SLC16A4: variants seen among roughly 807,000 people sequenced by gnomAD.
SLC16A4 encodes the protein probable monocarboxylate transporter 5.
Under a neutral mutation model 47.9 loss-of-function variants are expected in SLC16A4, and 39 were observed. That is an observed-to-expected ratio of 0.81 (90% CI 0.63 to 1.06). The LOEUF (loss-of-function observed/expected upper bound fraction) is 1.06, where lower values mean the gene tolerates loss of function less well. SLC16A4 is among the 50% of genes least tolerant of loss of function. SLC16A4 has a pLI of 0.00. For synonymous variants in SLC16A4, 189 were observed against 199.9 expected, an observed-to-expected ratio of 0.95 and a Z score of 0.46; for missense variants, 524 against 573.8, an observed-to-expected ratio of 0.91 and a Z score of 0.89.
In SLC16A4 at chr1:110,362,892, T is replaced by C. The variant is rs1661156693; in HGVS notation, c.*874A>G. ...ATACTTTTTATTATTTAGCAATACA[T>C]GTTTATCATAGAAATTTAAGAACCT... On this transcript the variant is annotated 3_prime_UTR_variant, in exon 9 of 9. Coordinates refer to ENST00000369779, the MANE Select transcript of SLC16A4 (RefSeq NM_004696.3). The C allele has an allele frequency of 6.6e-6, 1 of 152,208 alleles. No homozygotes were observed. 9.4% of individuals were successfully genotyped at this position (152,208 alleles called of 1,614,324 possible).
intron 2 of SLC16A4, among the ~76,000 whole-genome samples, chr1:110,387,347 C>G (rs565513156): frequency 6.6e-6 from 1 of 152,256 alleles, no homozygotes; most frequent in African/African-American, 2.4e-5. Flanking sequence ...ATGAATCTCT[C>G]TCTCTTTTTT....
chr1:110,365,653 T>C (rs2100975393), intron 8 of SLC16A4, among the ~76,000 whole-genome samples: 1 of 152,290 alleles, frequency 6.6e-6, no homozygotes, highest in South Asian at 2.1e-4. Flanking sequence ...CTTGTAGACA[T>C]TTCTAGAAAG....
intron 2 of SLC16A4, among the ~76,000 whole-genome samples, chr1:110,385,726 A>G (rs928052214): frequency 2.6e-5 from 4 of 152,212 alleles, no homozygotes; most frequent in African/African-American, 9.7e-5. Flanking sequence ...GTCTCTTAAT[A>G]TACTTTTTCC....
chr1:110,380,861 C>T, intron 5 of SLC16A4, 121 bp downstream of exon 5: 1 of 827,248 alleles, frequency 1.2e-6, no homozygotes, highest in Non-Finnish European at 2.0e-6. Context: ...TGCTCATTTC[C>T]TCTCTTGCAA....
At chr1:110,378,093 T>C (rs1022598333) in intron 6 of SLC16A4, among the ~76,000 whole-genome samples, 1 of 152,200 alleles carries the variant, frequency 6.6e-6, no homozygotes, top group African/African-American at 2.4e-5. Context: ...CCTCCCAAAG[T>C]GCTGGGATTA....
chr1:110,387,249 C>T (rs1167092688), intron 2 of SLC16A4, among the ~76,000 whole-genome samples: 1 of 152,122 alleles, frequency 6.6e-6, no homozygotes, highest in East Asian at 1.9e-4. Flanking sequence ...GACATAGACC[C>T]TGCCCCCATG....
At position 110,388,220 on chromosome 1, in the gene SLC16A4, A is replaced by G. The variant is rs115620975; in HGVS notation, c.87+1017T>C. Among the ~76,000 whole-genome samples, 1,232 of 152,260 alleles carry G rather than the reference A, an allele frequency of 8.1e-3. 27 individuals carry two copies. The highest frequency in any genetic ancestry group is 0.028 in the African/African-American group (1,175 of 41,540). On this transcript the variant is annotated intron_variant, in intron 2 of 8. Transcript: ENST00000369779. ...TGTGGGGCATAGCTGGGGTTCACCA[A>G]CATTCTGGAATGGGCATGCTGATGA...
At chr1:110,387,274 G>A (rs753821560) in intron 2 of SLC16A4, among the ~76,000 whole-genome samples, 1 of 151,444 alleles carries the variant, frequency 6.6e-6, no homozygotes, top group Admixed American at 6.7e-5. Context: ...ATTCAGTCTA[G>A]TAAGACAGAC....
chr1:110,379,353 G>C lies in SLC16A4; in HGVS notation c.530C>G (p.Ala177Gly), dbSNP rs1444484632. The change falls in exon 6 of 9, where the codon GCC becomes GGC. Residue 177 changes from alanine to glycine, a missense_variant. Physicochemically the swap from Ala to Gly is moderately conservative, Grantham distance 60. Coordinates refer to ENST00000369779, the MANE Select transcript of SLC16A4 (RefSeq NM_004696.3). Reference sequence around the variant, plus strand: ...TGCGATAGCTCCAAATAATATAAGGGCTCCTAAATAGGGAGAGATTGAGCA... The same window carrying C: ...TGCGATAGCTCCAAATAATATAAGGCCTCCTAAATAGGGAGAGATTGAGCA... ...FLIDLYDWTG[A>G]LILFGAIALN... 1 of 1,593,792 alleles carries C rather than the reference G, an allele frequency of 6.3e-7. No individual in the cohort carries two copies. The highest frequency in any genetic ancestry group is 8.6e-7 in the Non-Finnish European group (1 of 1,166,494).
chr1:110,382,672 G>C, intron 3 of SLC16A4, 162 bp downstream of exon 3: 1 of 641,334 alleles, frequency 1.6e-6, no homozygotes, highest in African/African-American at 1.8e-5. Context: ...ACTAAGTCAA[G>C]TGGAAGCTAA....
chr1:110,390,032 A>C (rs1470644714), intron 1 of SLC16A4, among the ~76,000 whole-genome samples: 3 of 151,926 alleles, frequency 2.0e-5, no homozygotes, highest in African/African-American at 7.3e-5. Context: ...TACCCCCTGA[A>C]TCTAAAATAA....
Position 110,376,857 on chromosome 1 carries a change from A to G in SLC16A4, c.1242+93T>C. 3 of 1,082,046 alleles carry G rather than the reference A, an allele frequency of 2.8e-6. No homozygotes were observed. In the Admixed American group the frequency reaches 7.7e-5, roughly 28 times the overall value. 67.0% of individuals were successfully genotyped at this position (1,082,046 alleles called of 1,614,324 possible). On this transcript the variant is annotated intron_variant, in intron 7 of 8. Coordinates refer to ENST00000369779, the MANE Select transcript of SLC16A4 (RefSeq NM_004696.3). ...TCTTTGAAATGATTTTTTAAGTTAC[A>G]AAATTAATACAAAATACGTATTTTG... is the stretch of plus-strand genomic sequence containing the variant.
chr1:110,366,251 A>T (rs2100979388), intron 8 of SLC16A4, among the ~76,000 whole-genome samples: 1 of 151,852 alleles, frequency 6.6e-6, no homozygotes. Flanking sequence ...TCCGACCCGC[A>T]GGTTCAAGTG....
At chr1:110,373,647 T>C (rs767668788) in intron 8 of SLC16A4, among the ~76,000 whole-genome samples, 10 of 151,938 alleles carry the variant, frequency 6.6e-5, no homozygotes, top group Non-Finnish European at 1.5e-4. Flanking sequence ...GAACCTCAGC[T>C]ATTGGCATAT....
chr1:110,378,578 CAATA>C (rs1214939862), intron 6 of SLC16A4, among the ~76,000 whole-genome samples: 5 of 152,112 alleles, frequency 3.3e-5, no homozygotes, highest in African/African-American at 1.2e-4. Context: ...CGCATTTATC[CAATA>C]AATAATGTCT....
intron 8 of SLC16A4, among the ~76,000 whole-genome samples, chr1:110,367,150 A>T (rs547494461): frequency 6.6e-6 from 1 of 152,370 alleles, no homozygotes; most frequent in South Asian, 2.1e-4. Context: ...GTTGCTATTG[A>T]AACATCTACT....
intron 5 of SLC16A4, 78 bp downstream of exon 5, chr1:110,380,904 A>G: frequency 7.6e-7 from 1 of 1,312,484 alleles, no homozygotes. Context: ...TGAAAGTCTT[A>G]ACTTCCATTT....
intron 8 of SLC16A4, among the ~76,000 whole-genome samples, chr1:110,365,186 T>C (rs1448829927): frequency 2.0e-5 from 3 of 152,060 alleles, no homozygotes; most frequent in Non-Finnish European, 4.4e-5. Flanking sequence ...GATATACCCC[T>C]GAACAAAATA....
At chr1:110,375,827 C>T (rs1199070526) in intron 7 of SLC16A4, among the ~76,000 whole-genome samples, 3 of 151,960 alleles carry the variant, frequency 2.0e-5, no homozygotes, top group Non-Finnish European at 4.4e-5. Flanking sequence ...CTTTTTCTTC[C>T]CCAAACCTTG....
Sources: gnomAD v4.1 joint callset for allele counts (sites outside exome capture counted in the v4.1 genomes callset) on GRCh38, gnomAD v4.1.1 for gene constraint, MANE v1.5 for transcripts, NCBI Gene and HGNC (gene_info 2026-07-23, HGNC 2026-07-21) for gene names.